The following HLA-G variants were observed in gnomAD, a reference collection of about 807,000 sequenced individuals.
The protein encoded by HLA-G is major histocompatibility complex, class I, G.
HLA-G carries 34 observed loss-of-function variants against 39.3 expected under a neutral mutation model. The ratio of observed to expected loss-of-function variants is 0.86; its 90% CI spans 0.66 to 1.15. The LOEUF (loss-of-function observed/expected upper bound fraction) is 1.15. Ranked by LOEUF, HLA-G falls within the 50% of genes most tolerant of loss-of-function variation. The pLI is 0.00. For synonymous variants in HLA-G, 183 were observed against 185.8 expected, an observed-to-expected ratio of 0.99 and a Z score of 0.12; for missense variants, 419 against 456.4, an observed-to-expected ratio of 0.92 and a Z score of 0.75.
At position 29,829,446 on chromosome 6, in the gene HLA-G, C is replaced by T. The variant is rs200736395; in HGVS notation, c.648C>T (p.His216=). The part of the protein sequence containing the change: ...ADPPKTHVTH[H]PVFDYEATLR... ...CCCCCAAGACACACGTGACCCACCA[C>T]CCTGTCTTTGACTATGAGGCCACCC... The change falls in exon 4 of 7, where the codon CAC becomes CAT. Residue 216 remains histidine (H), a synonymous_variant. Transcript: ENST00000360323. 1.6e-5 allele frequency: 26 copies of T among 1,613,822 alleles called. No individual in the cohort carries two copies. The Admixed American group carries it at 2.2e-4, about 13-fold the overall frequency.
chr6:29,827,980 G>A (rs1485946665), intron 1 of HLA-G, 63 bp downstream of exon 1: 11 of 1,589,954 alleles, frequency 6.9e-6, no homozygotes, highest in South Asian at 1.1e-5. Context: ...GGCCCGGCGG[G>A]GGCGCAGGAC....
At chr6:29,829,372 C>T (rs748524580) in intron 3 of HLA-G, 46 bp from the exon 4 acceptor site, 3 of 1,592,544 alleles carry the variant, frequency 1.9e-6, no homozygotes, top group Non-Finnish European at 2.6e-6. Context: ...CTGGAGTGTC[C>T]CATGAGAGAT....
At chr6:29,828,418 G>T (rs1760895910) in intron 2 of HLA-G, 102 bp downstream of exon 2, 1 of 1,550,276 alleles carries the variant, frequency 6.5e-7, no homozygotes, top group Admixed American at 1.9e-5. Context: ...CCACCCCGAG[G>T]CCGCGGGACC....
rs544200079 is a variant in HLA-G, at chr6:29,829,973, C to T, written c.1012+41C>T. The T allele has an allele frequency of 2.7e-5, 39 of 1,427,832 alleles. No homozygotes were observed. In the African/African-American group the frequency reaches 5.1e-4, roughly 19 times the overall value. 88.4% of individuals were successfully genotyped at this position (1,427,832 alleles called of 1,614,324 possible). On this transcript the variant is annotated intron_variant, in intron 5 of 6. Transcript: ENST00000360323. The stretch of plus-strand genomic sequence containing the variant: ...CAAGTGGGGTCTGAGTTTTCTTGTC[C>T]CACTGGGGGTTTCAAGCCCCAGGTA...
chr6:29,827,837 C>G lies in HLA-G; in HGVS notation c.-8C>G. 6.2e-7 allele frequency: 1 copy of G among 1,612,646 alleles called. No homozygotes were observed. The highest frequency in any genetic ancestry group is 8.5e-7 in the Non-Finnish European group (1 of 1,179,146). ...CCCACCCGGACTCATTCTCCCCAGA[C>G]GCCAAGGATGGTGGTCATGGCGCCC... is the stretch of plus-strand genomic sequence containing the variant. On this transcript the variant is annotated 5_prime_UTR_variant, in exon 1 of 7. Transcript: ENST00000360323.
intron 5 of HLA-G, 40 bp downstream of exon 5, chr6:29,829,972 C>G (rs757425434): frequency 7.0e-7 from 1 of 1,437,238 alleles, no homozygotes; most frequent in South Asian, 1.2e-5. Flanking sequence ...GTTTTCTTGT[C>G]CCACTGGGGG....
At chr6:29,827,982 G>T (rs1341683609) in intron 1 of HLA-G, 65 bp downstream of exon 1, 111 of 1,591,216 alleles carry the variant, frequency 7.0e-5, no homozygotes, top group Non-Finnish European at 9.0e-5. Flanking sequence ...CCCGGCGGGG[G>T]CGCAGGACTC....
chr6:29,827,518 C>T (rs1760768397), upstream of HLA-G: 3 of 389,350 alleles, frequency 7.7e-6, no homozygotes, highest in South Asian at 6.3e-5. Context: ...TCTCAGACAG[C>T]TCCTGGGCCA....
upstream of HLA-G, chr6:29,827,484 C>T (rs1427947504): frequency 3.0e-5 from 11 of 366,018 alleles, no homozygotes; most frequent in Non-Finnish European, 5.3e-5. Context: ...GGCCAGGGAC[C>T]TTGCCGAGGG....
At position 29,828,256 on chromosome 6, in the gene HLA-G, G is replaced by A. The variant is rs1243225621; in HGVS notation, c.283G>A (p.Ala95Thr). 1 of 1,613,568 alleles carries A rather than the reference G, an allele frequency of 6.2e-7. No homozygotes were observed. The change falls in exon 2 of 7, where the codon GCA becomes ACA. Residue 95 changes from alanine (A) to threonine (T), a missense_variant. Ala to Thr is a moderately conservative substitution (Grantham distance 58). Coordinates refer to ENST00000360323, the MANE Select transcript of HLA-G (RefSeq NM_001384290.1). ...GGAGACACGGAACACCAAGGCCCACGCACAGACTGACAGAATGAACCTGCA... is the reference window on the plus strand; with the variant it reads ...GGAGACACGGAACACCAAGGCCCACACACAGACTGACAGAATGAACCTGCA... ...EEETRNTKAH[A>T]QTDRMNLQTL... is the part of the protein sequence containing the mutation.
In HLA-G at chr6:29,829,566, G is replaced by T. The variant is rs1177625476; in HGVS notation, c.768G>T (p.Glu256Asp). The T allele has an allele frequency of 1.2e-6, 2 of 1,614,000 alleles. No homozygotes were observed. The highest frequency in any genetic ancestry group is 1.6e-4 in the Middle Eastern group (1 of 6,082). ...AGACCCAGGACGTGGAGCTCGTGGA[G>T]ACCAGGCCTGCAGGGGATGGAACCT... ...EDQTQDVELV[E>D]TRPAGDGTFQ... is the part of the protein sequence containing the mutation. Residue 256 changes from glutamate (E) to aspartate (D), a missense_variant, in exon 4 of 7, where the codon GAG becomes GAT. Coordinates refer to ENST00000360323, the MANE Select transcript of HLA-G (RefSeq NM_001384290.1).
In HLA-G at chr6:29,828,786, T is replaced by C. The variant is rs1397132797; in HGVS notation, c.587T>C (p.Leu196Pro). The C allele has an allele frequency of 2.7e-5, 44 of 1,613,864 alleles. No homozygotes were observed. Among genetic ancestry groups the C allele is most frequent in the Non-Finnish European group, 3.7e-5 (44 of 1,179,994 alleles). Residue 196 changes from leucine (L) to proline (P), a missense_variant, in exon 3 of 7, where the codon CTG (leucine) becomes CCG (proline). Around this residue, in one of 2 missense-constraint regions of HLA-G, gnomAD observed 328 missense variants for 323.0 expected, o/e 1.02. Coordinates refer to ENST00000360323, the MANE Select transcript of HLA-G (RefSeq NM_001384290.1). Reference sequence around the variant, plus strand: ...TGCGTGGAGTGGCTCCACAGATACCTGGAGAACGGGAAGGAGATGCTGCAG... The same window carrying C: ...TGCGTGGAGTGGCTCCACAGATACCCGGAGAACGGGAAGGAGATGCTGCAG... ...GTCVEWLHRY[L>P]ENGKEMLQRA...
At chr6:29,830,034 C>T (rs1043968312) in intron 5 of HLA-G, 102 bp downstream of exon 5, 23 of 862,506 alleles carry the variant, frequency 2.7e-5, no homozygotes, top group Non-Finnish European at 3.8e-5. Flanking sequence ...GAAGCACCAT[C>T]CACACTCATG....
At chr6:29,827,793 G>T, upstream of HLA-G, 1 of 1,567,772 alleles carries the variant, frequency 6.4e-7, no homozygotes, top group Non-Finnish European at 8.8e-7. Flanking sequence ...CGCGGTCCTG[G>T]TTCTAAAGTC....
chr6:29,828,559 G>A lies in HLA-G; in HGVS notation c.360G>A (p.Gln120=). The A allele has an allele frequency of 6.2e-7, 1 of 1,612,960 alleles. No individual in the cohort carries two copies. The highest frequency in any genetic ancestry group is 1.1e-5 in the South Asian group (1 of 91,080). Residue 120 remains glutamine (Q), a synonymous_variant, in exon 3 of 7, where the codon CAG becomes CAA. Transcript: ENST00000360323. Reference sequence around the variant, plus strand: ...TGGGGCCAGGTTCTCACACCCTCCAGTGGATGATTGGCTGCGACCTGGGGT... The same window carrying A: ...TGGGGCCAGGTTCTCACACCCTCCAATGGATGATTGGCTGCGACCTGGGGT... ...NQSEASSHTL[Q]WMIGCDLGSD...
At position 29,829,582 on chromosome 6, in the gene HLA-G, G is replaced by A. The variant is rs763022114; in HGVS notation, c.784G>A (p.Asp262Asn). Residue 262 changes from aspartate to asparagine, a missense_variant, in exon 4 of 7, where the codon GAT (aspartate) becomes AAT (asparagine). Physicochemically the swap from Asp to Asn is conservative, Grantham distance 23. Transcript: ENST00000360323. ...GCTCGTGGAGACCAGGCCTGCAGGG[G>A]ATGGAACCTTCCAGAAGTGGGCAGC... is the stretch of plus-strand genomic sequence containing the variant. ...VELVETRPAGDGTFQKWAAVV... is the reference protein window; with the variant it reads ...VELVETRPAGNGTFQKWAAVV... 1 of 1,614,114 alleles carries A rather than the reference G, an allele frequency of 6.2e-7. No individual in the cohort carries two copies. The highest frequency in any genetic ancestry group is 8.5e-7 in the Non-Finnish European group (1 of 1,180,006).
intron 1 of HLA-G, 26 bp from the exon 2 acceptor site, chr6:29,828,021 G>A (rs1162571882): frequency 1.2e-6 from 2 of 1,605,030 alleles, no homozygotes; most frequent in Non-Finnish European, 1.7e-6. Context: ...AGGGTCGGGC[G>A]GGTCTCAACC....
rs780585877 is a variant in HLA-G at position 29,828,341 on chromosome 6, A to C, written c.343+25A>C. 9 of 1,566,280 alleles carry C rather than the reference A, an allele frequency of 5.7e-6. No individual in the cohort carries two copies. In the Admixed American group the frequency reaches 1.6e-4, roughly 28 times the overall value. ...AGTGAGTAACTCCGGCCCAGGGAGC[A>C]GATCACGACCCCCACCTCCATGCCC... is the stretch of plus-strand genomic sequence containing the variant. On this transcript the variant is annotated intron_variant, in intron 2 of 6. Coordinates refer to ENST00000360323, the MANE Select transcript of HLA-G (RefSeq NM_001384290.1).
chr6:29,828,663 G>T lies in HLA-G; in HGVS notation c.464G>T (p.Arg155Leu), dbSNP rs573608167. ...KDYLALNEDLRSWTAADTAAQ... is the reference protein window; with the variant it reads ...KDYLALNEDLLSWTAADTAAQ... ...TACCTCGCCCTGAACGAGGACCTGC[G>T]CTCCTGGACCGCAGCGGACACTGCG... The change falls in exon 3 of 7, where the codon CGC becomes CTC. Residue 155 changes from arginine (R) to leucine (L), a missense_variant. This residue lies in a region of HLA-G where 328 missense variants were observed against 323.0 expected (regional missense o/e 1.02). Transcript: ENST00000360323. 3 of 1,613,512 alleles carry T rather than the reference G, an allele frequency of 1.9e-6. No homozygotes were observed. The South Asian group carries it at 3.3e-5, about 18-fold the overall frequency.
Sources: gnomAD v4.1 joint callset for allele counts on GRCh38, gnomAD v4.1.1 for gene constraint, gnomAD v4.1.1 regional missense constraint, MANE v1.5 for transcripts, NCBI Gene and HGNC (gene_info 2026-07-23, HGNC 2026-07-21) for gene names.